The following ZSCAN5A variants were observed in gnomAD, a reference collection of about 807,000 sequenced individuals.
The protein encoded by ZSCAN5A is zinc finger and SCAN domain containing 5A.
A neutral mutation model predicts 23.7 loss-of-function variants in ZSCAN5A; 12 were observed. The observed-to-expected ratio is 0.51, with a 90% CI of 0.32 to 0.82. The LOEUF is 0.82. ZSCAN5A is among the 40% of genes least tolerant of loss of function. The probability of loss-of-function intolerance (pLI) is 0.03; values close to 1 mark genes in which losing one functional copy is unlikely to be tolerated. For missense variants in ZSCAN5A, 597 were observed against 617.9 expected (o/e 0.97, Z 0.36); for synonymous variants, 257 against 239.9 (o/e 1.07, Z -0.66).
intron 2 of ZSCAN5A, among the ~76,000 whole-genome samples, chr19:56,276,788 C>T (rs1480335861): frequency 2.6e-5 from 4 of 151,984 alleles, no homozygotes; most frequent in East Asian, 1.9e-4. Context: ...CCGCCCACCT[C>T]GGCCTCCCAA....
At chr19:56,312,389 T>G (rs2041093822) in intron 2 of ZSCAN5A, 1 of 152,176 alleles carries the variant, frequency 6.6e-6, no homozygotes, top group Admixed American at 6.6e-5. Context: ...TAAGCAAGCA[T>G]CATACAATTC....
At chr19:56,236,841 TG>T (rs1426150088) in intron 2 of ZSCAN5A, among the ~76,000 whole-genome samples, 1 of 149,518 alleles carries the variant, frequency 6.7e-6, no homozygotes, top group Non-Finnish European at 1.5e-5. Flanking sequence ...CTCCAACCTC[TG>T]ATTGACCGTG....
chr19:56,319,040 T>A (rs2041346396), upstream of ZSCAN5A, among the ~76,000 whole-genome samples: 1 of 152,114 alleles, frequency 6.6e-6, no homozygotes, highest in Admixed American at 6.5e-5. Context: ...TAAAAGGCAA[T>A]CCCTGCATAC....
At chr19:56,367,344 AGAGT>A (rs756982113) in intron 1 of ZSCAN5A, 3 of 152,232 alleles carry the variant, frequency 2.0e-5, no homozygotes, top group African/African-American at 4.8e-5. Flanking sequence ...TGTTGGCAAT[AGAGT>A]GAGATGCTGT....
At chr19:56,298,156 G>GA (rs1237415637) in intron 2 of ZSCAN5A, 1 of 151,442 alleles carries the variant, frequency 6.6e-6, no homozygotes, top group Non-Finnish European at 1.5e-5. Flanking sequence ...TTACTGACAA[G>GA]AAAAAATAGA....
intron 2 of ZSCAN5A, among the ~76,000 whole-genome samples, chr19:56,230,377 C>A (rs1285543117): frequency 1.3e-5 from 2 of 152,182 alleles, no homozygotes; most frequent in African/African-American, 4.8e-5. Context: ...AGCCACCATA[C>A]CCGGCCCCAA....
Position 56,284,491 on chromosome 19 carries a change from G to A in ZSCAN5A, c.-128+28792C>T, listed in dbSNP as rs572799867. Among the ~76,000 whole-genome samples the A allele has an allele frequency of 9.8e-5, 11 of 112,088 alleles. No homozygotes were observed. In the East Asian group the frequency reaches 2.5e-3, roughly 25 times the overall value. 73.5% of individuals were successfully genotyped at this position (112,088 alleles called of 152,430 possible). ...AGATAAGTAAACAGAAATTAGATTA[G>A]AGACAAGTGATGCTTGCTGTAATTT... On this transcript the variant is annotated intron_variant, in intron 2 of 5. Coordinates refer to ENST00000683990, the MANE Select transcript of ZSCAN5A (RefSeq NM_001322064.3).
At chr19:56,247,883 T>G (rs150120929) in intron 2 of ZSCAN5A, among the ~76,000 whole-genome samples, 1,828 of 152,210 alleles carry the variant, frequency 0.012, 51 homozygotes, top group African/African-American at 0.041. Context: ...AGTAGAGACG[T>G]GGTTTCACCT....
intron 2 of ZSCAN5A, among the ~76,000 whole-genome samples, chr19:56,260,916 T>TG (rs1439061413): frequency 6.6e-6 from 1 of 151,970 alleles, no homozygotes; most frequent in Non-Finnish European, 1.5e-5. Flanking sequence ...TTTATAGAAA[T>TG]GGAAAATGTG....
chr19:56,238,058 C>CACA (rs2035115226), intron 2 of ZSCAN5A, among the ~76,000 whole-genome samples: 1 of 10,030 alleles, frequency 1.0e-4, no homozygotes. Flanking sequence ...GCATATGTGT[C>CACA]TAGTCCCCTA....
chr19:56,316,781 C>G (rs1480952984), upstream of ZSCAN5A: 2 of 152,302 alleles, frequency 1.3e-5, no homozygotes, highest in African/African-American at 2.4e-5. Context: ...CACTAATGAT[C>G]ATTACAATTC....
chr19:56,302,224 C>T (rs1304830982), intron 2 of ZSCAN5A: 2 of 491,868 alleles, frequency 4.1e-6, no homozygotes, highest in Non-Finnish European at 6.4e-6. Flanking sequence ...GAGAGCCCTT[C>T]TGTAAAACAC....
At chr19:56,330,226 A>G (rs1005146538) in intron 2 of ZSCAN5A, among the ~76,000 whole-genome samples, 13 of 152,284 alleles carry the variant, frequency 8.5e-5, no homozygotes, top group African/African-American at 2.2e-4. Context: ...TCTTTATCCA[A>G]TCCACTAATA....
chr19:56,262,727 C>T (rs1031234469), intron 2 of ZSCAN5A, among the ~76,000 whole-genome samples: 10 of 152,158 alleles, frequency 6.6e-5, no homozygotes, highest in African/African-American at 1.9e-4. Flanking sequence ...CCACTGCGCC[C>T]GGCCCTGATT....
In ZSCAN5A at chr19:56,221,482, C is replaced by T. The variant is rs535253175; in HGVS notation, c.*93G>A. ...TAGGGCACTCCCTCTGTGTGTCAGA[C>T]GCCCTTGCATGTGTCAAATGTCATC... On this transcript the variant is annotated 3_prime_UTR_variant, in exon 6 of 6. Transcript: ENST00000683990. 90 of 1,456,742 alleles carry T rather than the reference C, an allele frequency of 6.2e-5. No homozygotes were observed. The East Asian group carries it at 1.3e-3, about 21-fold the overall frequency. The allele number at this position is 1,456,742 out of a possible 1,614,324, so 90.2% of individuals were successfully genotyped here. A position where few individuals can be genotyped will look rare whatever the true frequency, so the allele number is the denominator to read the frequency against.
rs769097415 is a variant in ZSCAN5A, at chr19:56,305,907, G to A, written c.-128+7376C>T. On this transcript the variant is annotated intron_variant, in intron 2 of 5. Coordinates refer to ENST00000683990, the MANE Select transcript of ZSCAN5A (RefSeq NM_001322064.3). Reference sequence around the variant, plus strand: ...AGCCTCCAGGTGAAGGAACTGGCTTGTACGAAGGCCCTGGGGTGGAAAGTG... The same window carrying A: ...AGCCTCCAGGTGAAGGAACTGGCTTATACGAAGGCCCTGGGGTGGAAAGTG... Among the ~76,000 whole-genome samples the A allele has an allele frequency of 2.0e-5, 3 of 151,754 alleles. 1 individual carries two copies. The highest frequency in any genetic ancestry group is 6.6e-5 in the Admixed American group (1 of 15,214).
intron 2 of ZSCAN5A, among the ~76,000 whole-genome samples, chr19:56,311,449 A>C (rs545724781): frequency 6.6e-6 from 1 of 152,236 alleles, no homozygotes; most frequent in Admixed American, 6.5e-5. Context: ...AATGCAACTC[A>C]ACTAGCTCTG....
At chr19:56,250,143 G>A (rs1357729851) in intron 2 of ZSCAN5A, among the ~76,000 whole-genome samples, 1 of 152,176 alleles carries the variant, frequency 6.6e-6, no homozygotes, top group Non-Finnish European at 1.5e-5. Context: ...AGAATAGACA[G>A]GACACCCTGA....
chr19:56,291,627 C>T (rs928478235), intron 2 of ZSCAN5A, among the ~76,000 whole-genome samples: 1 of 152,146 alleles, frequency 6.6e-6, no homozygotes, highest in Non-Finnish European at 1.5e-5. Flanking sequence ...CTCAACAGCA[C>T]TGAAACCTAA....
Sources: gnomAD v4.1 joint callset for allele counts (sites outside exome capture counted in the v4.1 genomes callset) on GRCh38, gnomAD v4.1.1 for gene constraint, MANE v1.5 for transcripts, NCBI Gene and HGNC (gene_info 2026-07-23, HGNC 2026-07-21) for gene names.